Variants in HTR2C observed in about 807,000 individuals in gnomAD.
The protein encoded by HTR2C is 5-hydroxytryptamine (serotonin) receptor 2C, G protein-coupled.
HTR2C carries 5 observed loss-of-function variants against 21.0 expected under a neutral mutation model. The ratio of observed to expected loss-of-function variants is 0.24; its 90% confidence interval spans 0.12 to 0.50. The LOEUF is 0.50. Among genes scored for constraint, HTR2C ranks in the 20% least tolerant of loss-of-function variants. The probability of loss-of-function intolerance (pLI) is 0.98; values close to 1 mark genes in which losing one functional copy is unlikely to be tolerated. For synonymous variants in HTR2C, 150 were observed against 145.3 expected, an observed-to-expected ratio of 1.03 and a Z score of -0.23; for missense variants, 271 against 371.2, an observed-to-expected ratio of 0.73 and a Z score of 2.22.
intron 4 of HTR2C, among the ~76,000 whole-genome samples, chrX:114,791,308 T>G (rs1488538672): frequency 8.9e-6 from 1 of 112,549 alleles, no homozygotes; most frequent in African/African-American, 3.2e-5. Flanking sequence ...TAAATGAGTA[T>G]AGGAATGCAT....
chrX:114,729,383 A>G (rs1014747568), intron 3 of HTR2C, among the ~76,000 whole-genome samples: 10 of 111,861 alleles, frequency 8.9e-5, no homozygotes, highest in African/African-American at 3.2e-4. Flanking sequence ...TCTTGTACAG[A>G]TGAAGTTGAT....
chrX:114,708,372 C>T (rs952231859), intron 2 of HTR2C, among the ~76,000 whole-genome samples: 3 of 112,020 alleles, frequency 2.7e-5, no homozygotes, highest in African/African-American at 6.5e-5. Flanking sequence ...GTCTTTGGAA[C>T]CCAAAGTTCT....
chrX:114,698,666 C>A (rs189026027), intron 2 of HTR2C, among the ~76,000 whole-genome samples: 13 of 111,943 alleles, frequency 1.2e-4, no homozygotes, highest in African/African-American at 4.2e-4. Flanking sequence ...ACTTTTGTTT[C>A]ACTTTTTGGA....
chrX:114,818,534 T>C (rs782435778), intron 4 of HTR2C, among the ~76,000 whole-genome samples: 1 of 111,970 alleles, frequency 8.9e-6, no homozygotes, highest in South Asian at 3.7e-4. Flanking sequence ...TAGCATTTGC[T>C]CTATCCCTGA....
At chrX:114,842,547 T>G (rs1417047736) in intron 4 of HTR2C, among the ~76,000 whole-genome samples, 1 of 112,088 alleles carries the variant, frequency 8.9e-6, no homozygotes, top group Non-Finnish European at 1.9e-5. Flanking sequence ...AAAGAAAACT[T>G]TATTTTTAAG....
At chrX:114,644,344 A>AAAATAAATAAAT (rs1295592092) in intron 2 of HTR2C, among the ~76,000 whole-genome samples, 4 of 36,173 alleles carry the variant, frequency 1.1e-4, no homozygotes, top group East Asian at 9.7e-4. Context: ...GACTCCATCT[A>AAAATAAATAAAT]AAATAAATAA....
intron 2 of HTR2C, among the ~76,000 whole-genome samples, chrX:114,696,636 T>C (rs1325698234): frequency 9.0e-6 from 1 of 111,044 alleles, no homozygotes; most frequent in Non-Finnish European, 1.9e-5. Context: ...TTTTTTTCTT[T>C]TTTCATTTAT....
intron 2 of HTR2C, among the ~76,000 whole-genome samples, chrX:114,706,486 C>T (rs1453657513): frequency 1.0e-5 from 1 of 98,578 alleles, no homozygotes; most frequent in Non-Finnish European, 2.0e-5. Context: ...CATGTTCTCA[C>T]TCATAGTTGG....
At chrX:114,843,905 C>T (rs1360231502) in intron 4 of HTR2C, among the ~76,000 whole-genome samples, 2 of 110,850 alleles carry the variant, frequency 1.8e-5, no homozygotes, top group African/African-American at 6.6e-5. Flanking sequence ...GAAATTAAAA[C>T]ACTCCTGGTA....
chrX:114,657,692 CA>C (rs1556409478), intron 2 of HTR2C, among the ~76,000 whole-genome samples: 2 of 111,033 alleles, frequency 1.8e-5, no homozygotes, highest in Non-Finnish European at 3.8e-5. Flanking sequence ...TTTTTATTCT[CA>C]TTTTTTTATA....
chrX:114,859,367 G>A (rs1479676114), intron 5 of HTR2C, among the ~76,000 whole-genome samples: 1 of 110,684 alleles, frequency 9.0e-6, no homozygotes, highest in Non-Finnish European at 1.9e-5. Flanking sequence ...TATGTGTAAA[G>A]GTTCTTAATT....
At chrX:114,602,107 T>C (rs1200518184) in intron 1 of HTR2C, among the ~76,000 whole-genome samples, 1 of 57,804 alleles carries the variant, frequency 1.7e-5, no homozygotes, top group Non-Finnish European at 3.3e-5. Flanking sequence ...GGCATAGTCC[T>C]GCCAGCAAAG....
intron 4 of HTR2C, among the ~76,000 whole-genome samples, chrX:114,805,137 T>C (rs1247472779): frequency 4.5e-5 from 5 of 111,676 alleles, no homozygotes; most frequent in Non-Finnish European, 7.5e-5. Context: ...TGAAGCTTTT[T>C]TGCTATTATG....
At chrX:114,705,240 G>A (rs1289096331) in intron 2 of HTR2C, among the ~76,000 whole-genome samples, 2 of 110,946 alleles carry the variant, frequency 1.8e-5, no homozygotes, top group African/African-American at 3.3e-5. Context: ...AAAAGAGCCC[G>A]CATTGCCAAG....
chrX:114,885,277 A>G (rs1334533593), intron 5 of HTR2C, among the ~76,000 whole-genome samples: 1 of 111,831 alleles, frequency 8.9e-6, no homozygotes, highest in African/African-American at 3.2e-5. Flanking sequence ...GTTTAGATAC[A>G]CAAATATTCA....
intron 2 of HTR2C, among the ~76,000 whole-genome samples, chrX:114,705,012 A>G (rs1227571575): frequency 9.3e-6 from 1 of 107,358 alleles, no homozygotes; most frequent in Non-Finnish European, 1.9e-5. Context: ...GATGTGAAGG[A>G]CCTCTTCAAG....
At chrX:114,783,299 A>G (rs979518687) in intron 4 of HTR2C, among the ~76,000 whole-genome samples, 6 of 112,037 alleles carry the variant, frequency 5.4e-5, no homozygotes, top group African/African-American at 1.6e-4. Flanking sequence ...AATACACCAT[A>G]TAATTAGTAA....
chrX:114,781,641 T>C (rs1341287668), intron 4 of HTR2C, among the ~76,000 whole-genome samples: 1 of 109,255 alleles, frequency 9.2e-6, no homozygotes, highest in Non-Finnish European at 1.9e-5. Flanking sequence ...GCTGGGACTA[T>C]GAGTGTATAC....
At chrX:114,588,935 C>A (rs1320416764) in intron 1 of HTR2C, among the ~76,000 whole-genome samples, 3 of 111,624 alleles carry the variant, frequency 2.7e-5, no homozygotes, top group Admixed American at 9.5e-5. Context: ...CTGATGACTA[C>A]CCCATGAGAA....
Sources: allele counts gnomAD v4.1 joint callset (sites outside exome capture counted in the v4.1 genomes callset), GRCh38; gene constraint gnomAD v4.1.1; transcripts MANE v1.5; gene names NCBI Gene and HGNC (gene_info 2026-07-23, HGNC 2026-07-21).